Variants in ANP32B observed in about 807,000 individuals in gnomAD.
ANP32B encodes the protein acidic leucine-rich nuclear phosphoprotein 32 family member B.
In ANP32B, 6 loss-of-function variants were observed where a neutral mutation model predicts 32.2. The observed-to-expected ratio is 0.19, with a 90% CI of 0.10 to 0.37. ANP32B has a LOEUF of 0.37. ANP32B is among the 10% of genes least tolerant of loss of function. ANP32B has a pLI of 1.00. For missense variants in ANP32B, 204 were observed against 289.2 expected (o/e 0.71, Z 2.14); for synonymous variants, 98 against 105.8 (o/e 0.93, Z 0.45).
Position 98,015,495 on chromosome 9 carries a change from A to G in ANP32B, c.*64A>G. The G allele has an allele frequency of 6.7e-7, 1 of 1,502,138 alleles. No homozygotes were observed. Among genetic ancestry groups the G allele is most frequent in the Non-Finnish European group, 8.9e-7 (1 of 1,127,966 alleles). The allele number at this position is 1,502,138 out of a possible 1,614,324, so 93.1% of individuals were successfully genotyped here. ...TGGTTGGACTGCTCATGGATTTTGT[A>G]GCTGTTTAAAAAAAAAAAAAAGGTA... On this transcript the variant is annotated 3_prime_UTR_variant, in exon 7 of 7. Coordinates refer to ENST00000339399, the MANE Select transcript of ANP32B (RefSeq NM_006401.3).
chr9:97,993,429 T>G (rs556533478), intron 1 of ANP32B, among the ~76,000 whole-genome samples: 72 of 152,206 alleles, frequency 4.7e-4, no homozygotes, highest in Non-Finnish European at 9.8e-4. Flanking sequence ...CATGCTTGAT[T>G]AATGCTATTA....
chr9:97,996,707 C>T (rs1477925724), intron 2 of ANP32B, among the ~76,000 whole-genome samples: 2 of 152,058 alleles, frequency 1.3e-5, no homozygotes, highest in African/African-American at 2.4e-5. Flanking sequence ...GATTCTCCTG[C>T]CACAGCCTCC....
rs10984738 is a variant in ANP32B at position 98,005,191 on chromosome 9, C to T, written c.517+38C>T. On this transcript the variant is annotated intron_variant, in intron 4 of 6. Transcript: ENST00000339399. ...AGCATCTGGTGAACCTGATGTCTGC[C>T]TTTCAAAGCCTCTGATAAAAGCTAT... 5.6e-3 allele frequency: 8,927 copies of T among 1,587,644 alleles called. 114 individuals are homozygous for T. In the East Asian group the frequency reaches 0.066, roughly 12 times the overall value.
chr9:97,998,714 G>A, intron 3 of ANP32B, 36 bp downstream of exon 3: 2 of 1,482,908 alleles, frequency 1.3e-6, no homozygotes, highest in African/African-American at 2.8e-5. Flanking sequence ...GGAACTTACT[G>A]GTCATTTTCA....
chr9:97,996,328 G>A (rs751431552), intron 2 of ANP32B, among the ~76,000 whole-genome samples: 6 of 152,196 alleles, frequency 3.9e-5, no homozygotes, highest in Admixed American at 2.6e-4. Context: ...CAGCCTATCA[G>A]TGACCGTTTT....
intron 6 of ANP32B, 27 bp downstream of exon 6, chr9:98,012,499 A>C: frequency 6.2e-7 from 1 of 1,606,468 alleles, no homozygotes; most frequent in Non-Finnish European, 8.5e-7. Context: ...CATTTTGATC[A>C]TTCTCAGTTA....
At chr9:97,984,147 G>T (rs1382661800) in intron 1 of ANP32B, among the ~76,000 whole-genome samples, 1 of 150,286 alleles carries the variant, frequency 6.7e-6, no homozygotes, top group Non-Finnish European at 1.5e-5. Context: ...GCAGTCGTGG[G>T]GCGAGGAGGG....
At chr9:98,012,722 GGGT>G (rs942174470) in intron 6 of ANP32B, among the ~76,000 whole-genome samples, 1 of 152,056 alleles carries the variant, frequency 6.6e-6, no homozygotes, top group African/African-American at 2.4e-5. Flanking sequence ...GTTTTTTTCG[GGGT>G]GGTGGTGGTG....
At chr9:97,986,355 C>T (rs1239890649) in intron 1 of ANP32B, among the ~76,000 whole-genome samples, 1 of 152,140 alleles carries the variant, frequency 6.6e-6, no homozygotes, top group Non-Finnish European at 1.5e-5. Context: ...GCTTTTTGCA[C>T]TTGGGAGAGT....
intron 2 of ANP32B, among the ~76,000 whole-genome samples, chr9:97,997,488 G>A (rs1416401442): frequency 1.3e-5 from 2 of 152,242 alleles, no homozygotes; most frequent in South Asian, 2.1e-4. Flanking sequence ...TGAGGACATG[G>A]ATATTTATGA....
chr9:97,987,582 C>A (rs544007812), intron 1 of ANP32B: 1 of 152,322 alleles, frequency 6.6e-6, no homozygotes, highest in East Asian at 1.9e-4. Context: ...GTTAGAAGCA[C>A]CTCATTAACC....
intron 1 of ANP32B, chr9:97,987,625 C>T (rs948602195): frequency 2.6e-5 from 4 of 152,222 alleles, no homozygotes; most frequent in African/African-American, 9.6e-5. Context: ...TTCCTATCAG[C>T]TCTGAGTTTT....
At chr9:98,002,949 C>T (rs532301073) in intron 3 of ANP32B, among the ~76,000 whole-genome samples, 1 of 152,264 alleles carries the variant, frequency 6.6e-6, no homozygotes, top group African/African-American at 2.4e-5. Context: ...CTAAAGCTGA[C>T]TCTAGCTGGC....
chr9:98,015,018 G>A (rs1259835117), intron 6 of ANP32B, among the ~76,000 whole-genome samples: 1 of 152,218 alleles, frequency 6.6e-6, no homozygotes, highest in Non-Finnish European at 1.5e-5. Context: ...CTCCCAAAGT[G>A]CTGGGATTAT....
At chr9:97,984,253 A>G (rs1047193099) in intron 1 of ANP32B, among the ~76,000 whole-genome samples, 43 of 150,638 alleles carry the variant, frequency 2.9e-4, no homozygotes, top group Non-Finnish European at 4.9e-4. Flanking sequence ...GGGGCGGGCC[A>G]GGGCGGCGGA....
At chr9:98,010,193 T>C (rs1304245555) in intron 4 of ANP32B, among the ~76,000 whole-genome samples, 1 of 149,548 alleles carries the variant, frequency 6.7e-6, no homozygotes, top group Non-Finnish European at 1.5e-5. Context: ...CTGCGGAAAA[T>C]AGTGGTTTAA....
At chr9:97,987,170 A>G (rs1455873145) in intron 1 of ANP32B, among the ~76,000 whole-genome samples, 1 of 152,222 alleles carries the variant, frequency 6.6e-6, no homozygotes, top group African/African-American at 2.4e-5. Context: ...TTGTAAAGAA[A>G]TACAGAATTT....
At chr9:98,000,208 C>T (rs971860128) in intron 3 of ANP32B, among the ~76,000 whole-genome samples, 17 of 152,124 alleles carry the variant, frequency 1.1e-4, no homozygotes, top group African/African-American at 3.9e-4. Context: ...TGAACTCCTG[C>T]CCTCAAGTGA....
At position 97,983,725 on chromosome 9, in the gene ANP32B, G is replaced by T. The variant is rs1228371945; in HGVS notation, c.54+116G>T. 11 of 764,712 alleles carry T rather than the reference G, an allele frequency of 1.4e-5. No individual in the cohort carries two copies. In the East Asian group the frequency reaches 3.4e-4, roughly 24 times the overall value. 47.4% of individuals were successfully genotyped at this position (764,712 alleles called of 1,614,324 possible). ...CCCGGCGCGGGGAAGAGCGCAGCTC[G>T]TGGGCTCGGACGGGGAAGGCGGGCG... is the stretch of plus-strand genomic sequence containing the variant. On this transcript the variant is annotated intron_variant, in intron 1 of 6. Coordinates refer to ENST00000339399, the MANE Select transcript of ANP32B (RefSeq NM_006401.3).
Sources: allele counts gnomAD v4.1 joint callset (sites outside exome capture counted in the v4.1 genomes callset), GRCh38; gene constraint gnomAD v4.1.1; transcripts MANE v1.5; gene names NCBI Gene and HGNC (gene_info 2026-07-23, HGNC 2026-07-21).